The following SCFD2 variants were observed in gnomAD, a reference collection of about 807,000 sequenced individuals.
SCFD2 encodes the protein sec1 family domain-containing protein 2.
Under a neutral mutation model 58.9 loss-of-function variants are expected in SCFD2, and 54 were observed. The observed-to-expected ratio is 0.92, with a 90% confidence interval of 0.74 to 1.15. The LOEUF is 1.15. Among genes scored for constraint, SCFD2 ranks in the 50% most tolerant of loss-of-function variants. The pLI is 0.00. For missense variants in SCFD2, 805 were observed against 836.6 expected (o/e 0.96, Z 0.47); for synonymous variants, 321 against 335.9 (o/e 0.96, Z 0.49).
At chr4:53,354,346 C>A (rs1376246647) in intron 1 of SCFD2, among the ~76,000 whole-genome samples, 3 of 152,360 alleles carry the variant, frequency 2.0e-5, no homozygotes, top group Non-Finnish European at 2.9e-5. Flanking sequence ...CCCCTCACTG[C>A]CTGGACCGGC....
chr4:52,889,150 T>C (rs542211232), intron 7 of SCFD2, among the ~76,000 whole-genome samples: 19 of 152,240 alleles, frequency 1.2e-4, no homozygotes, highest in Non-Finnish European at 2.6e-4. Flanking sequence ...ATTAGATCGC[T>C]GCTATAGCCT....
At chr4:53,356,522 C>T (rs1405202734) in intron 1 of SCFD2, among the ~76,000 whole-genome samples, 3 of 151,970 alleles carry the variant, frequency 2.0e-5, no homozygotes, top group South Asian at 2.1e-4. Flanking sequence ...ATTTCCCAGA[C>T]TCAGGTGATC....
intron 4 of SCFD2, among the ~76,000 whole-genome samples, chr4:53,163,989 G>GA (rs1369614934): frequency 6.6e-6 from 1 of 152,166 alleles, no homozygotes; most frequent in Non-Finnish European, 1.5e-5. Context: ...GGCTGTAACT[G>GA]AAGACTGCTA....
intron 3 of SCFD2, among the ~76,000 whole-genome samples, chr4:53,305,244 C>G (rs1250811614): frequency 6.6e-6 from 1 of 151,948 alleles, no homozygotes; most frequent in Non-Finnish European, 1.5e-5. Flanking sequence ...AGAGCCTTTT[C>G]CCTATGTTCT....
At chr4:53,261,490 T>C (rs193041277) in intron 4 of SCFD2, among the ~76,000 whole-genome samples, 1 of 152,334 alleles carries the variant, frequency 6.6e-6, no homozygotes, top group East Asian at 1.9e-4. Flanking sequence ...CAAAGATTAT[T>C]CAGGAGCAGG....
chr4:53,256,681 C>G (rs1275828995), intron 4 of SCFD2, among the ~76,000 whole-genome samples: 1 of 152,018 alleles, frequency 6.6e-6, no homozygotes, highest in Non-Finnish European at 1.5e-5. Context: ...TGGAGACCAG[C>G]CTGGCCAACA....
At chr4:53,298,322 C>T (rs1270216994) in intron 3 of SCFD2, among the ~76,000 whole-genome samples, 1 of 152,212 alleles carries the variant, frequency 6.6e-6, no homozygotes, top group African/African-American at 2.4e-5. Context: ...TCAGAGGGTC[C>T]TATACCCATG....
intron 5 of SCFD2, among the ~76,000 whole-genome samples, chr4:53,085,892 A>G (rs1305840539): frequency 2.0e-5 from 3 of 152,154 alleles, no homozygotes; most frequent in Admixed American, 1.3e-4. Flanking sequence ...TCAAATCAAA[A>G]TGGATTAAAG....
intron 4 of SCFD2, among the ~76,000 whole-genome samples, chr4:53,202,311 G>C (rs1331225792): frequency 6.6e-6 from 1 of 152,082 alleles, no homozygotes; most frequent in African/African-American, 2.4e-5. Context: ...GTTTTTCTCA[G>C]GTTTGTCAAA....
chr4:53,156,870 T>C (rs984330424), intron 4 of SCFD2, among the ~76,000 whole-genome samples: 4 of 152,274 alleles, frequency 2.6e-5, no homozygotes, highest in South Asian at 2.1e-4. Flanking sequence ...GCAATTGTTT[T>C]GAGTTGTGTA....
chr4:52,940,040 C>T (rs1056842179), intron 5 of SCFD2, among the ~76,000 whole-genome samples: 1 of 152,228 alleles, frequency 6.6e-6, no homozygotes, highest in Non-Finnish European at 1.5e-5. Flanking sequence ...GCAGCTGGCA[C>T]CCCCAACTCA....
At chr4:52,944,816 AG>A (rs1294836265) in intron 5 of SCFD2, among the ~76,000 whole-genome samples, 4 of 152,206 alleles carry the variant, frequency 2.6e-5, no homozygotes, top group African/African-American at 9.6e-5. Flanking sequence ...AACTGGTGGA[AG>A]GAGAAGGTGG....
chr4:53,169,196 C>T (rs1366038460), intron 4 of SCFD2, among the ~76,000 whole-genome samples: 1 of 151,914 alleles, frequency 6.6e-6, no homozygotes, highest in Admixed American at 6.6e-5. Context: ...GCCAACATGG[C>T]GAAACCCCAT....
intron 4 of SCFD2, among the ~76,000 whole-genome samples, chr4:53,256,929 G>GGGGAGA: frequency 7.4e-6 from 1 of 134,276 alleles, no homozygotes; most frequent in Admixed American, 7.4e-5. Flanking sequence ...GGAGGGGGAG[G>GGGGAGA]GGGAGGGAGA....
intron 5 of SCFD2, among the ~76,000 whole-genome samples, chr4:53,056,158 G>A: frequency 6.8e-6 from 1 of 147,874 alleles, no homozygotes; most frequent in Non-Finnish European, 1.5e-5. Flanking sequence ...CATAGGGGAA[G>A]GCAAACAGAC....
intron 4 of SCFD2, among the ~76,000 whole-genome samples, chr4:53,151,216 A>T (rs1261856452): frequency 6.6e-6 from 1 of 152,262 alleles, no homozygotes; most frequent in East Asian, 1.9e-4. Flanking sequence ...TATAAACATT[A>T]TTAAACACTG....
intron 6 of SCFD2, among the ~76,000 whole-genome samples, chr4:52,916,124 C>T (rs1719596011): frequency 6.6e-6 from 1 of 152,224 alleles, no homozygotes; most frequent in Admixed American, 6.5e-5. Context: ...TGTCTGAAAG[C>T]CCCGTATAAG....
At chr4:53,348,656 T>C (rs1734127588) in intron 2 of SCFD2, among the ~76,000 whole-genome samples, 1 of 152,154 alleles carries the variant, frequency 6.6e-6, no homozygotes, top group African/African-American at 2.4e-5. Flanking sequence ...AAACTTGCTA[T>C]CTCTAAAGCT....
intron 5 of SCFD2, among the ~76,000 whole-genome samples, chr4:53,138,917 C>A (rs867897325): frequency 1.3e-5 from 2 of 149,250 alleles, no homozygotes; most frequent in African/African-American, 4.9e-5. Flanking sequence ...CCCTCTGATG[C>A]CCAGCCGAGG....
Sources: allele counts gnomAD v4.1 joint callset (sites outside exome capture counted in the v4.1 genomes callset), GRCh38; gene constraint gnomAD v4.1.1; transcripts MANE v1.5; gene names NCBI Gene and HGNC (gene_info 2026-07-23, HGNC 2026-07-21).